The following DERA variants were observed in gnomAD, a reference collection of about 807,000 sequenced individuals.
The protein encoded by DERA is 2-deoxy-D-ribose 5-phosphate aldolase.
In DERA, 15 loss-of-function variants were observed where a neutral mutation model predicts 41.1. The ratio of observed to expected loss-of-function variants is 0.37; its 90% CI spans 0.24 to 0.56. The LOEUF is 0.56. Among genes scored for constraint, DERA ranks in the 20% least tolerant of loss-of-function variants. DERA has a pLI of 0.81. For synonymous variants in DERA, 139 were observed against 137.4 expected (o/e 1.01, Z -0.08); for missense variants, 396 against 403.4 (o/e 0.98, Z 0.16).
rs995394957 is a variant in DERA at position 15,972,936 on chromosome 12, A to G, written c.509-9372A>G. Among the ~76,000 whole-genome samples the G allele has an allele frequency of 3.2e-4, 48 of 152,142 alleles. No individual in the cohort carries two copies. Among genetic ancestry groups the G allele is most frequent in the Non-Finnish European group, 8.8e-5 (6 of 68,014 alleles). ...AGGGCCAGTTGTCAACCTGATTTGGATGCTGTTTCAAACATGCAGTCTGAC... is the reference window on the plus strand; with the variant it reads ...AGGGCCAGTTGTCAACCTGATTTGGGTGCTGTTTCAAACATGCAGTCTGAC... On this transcript the variant is annotated intron_variant, in intron 5 of 8. Transcript: ENST00000428559. This position sits in a 1 kb window ranked among gnomAD's most constrained non-coding sequence, Gnocchi z 4.4.
intron 1 of DERA, among the ~76,000 whole-genome samples, chr12:15,952,806 G>A (rs1237901219): frequency 2.0e-5 from 3 of 152,228 alleles, no homozygotes; most frequent in Non-Finnish European, 4.4e-5. Flanking sequence ...GGTGCTTACA[G>A]CACTTTACAA....
chr12:15,918,839 G>A lies in DERA; in HGVS notation c.31+7425G>A, dbSNP rs1948221022. Among the ~76,000 whole-genome samples, 2 of 152,168 alleles carry A rather than the reference G, an allele frequency of 1.3e-5. No individual in the cohort carries two copies. Among genetic ancestry groups the A allele is most frequent in the South Asian group, 2.1e-4 (1 of 4,830 alleles). ...CAGGGAGGGTTTTTTTGGAGAGGAT[G>A]TTTCTGACGGAGTAGTTTCTACAAA... On this transcript the variant is annotated intron_variant, in intron 1 of 8. Transcript: ENST00000428559. The surrounding 1 kb of genome is among the most constrained non-coding windows in gnomAD (Gnocchi z 4.3).
intron 6 of DERA, among the ~76,000 whole-genome samples, chr12:16,027,887 T>C (rs1949063513): frequency 6.6e-6 from 1 of 152,242 alleles, no homozygotes; most frequent in Admixed American, 6.5e-5. Flanking sequence ...GCACGATGCA[T>C]GGTTAATATA....
chr12:16,005,469 C>T (rs1440810222), intron 6 of DERA, among the ~76,000 whole-genome samples: 1 of 152,076 alleles, frequency 6.6e-6, no homozygotes, highest in Non-Finnish European at 1.5e-5. Context: ...TTCTGAAGAC[C>T]AGCTCGCTTC....
In DERA at chr12:16,009,661, T is replaced by C. The variant is rs1255793515; in HGVS notation, c.638-22881T>C. Among the ~76,000 whole-genome samples the C allele has an allele frequency of 6.6e-6, 1 of 152,228 alleles. No individual in the cohort carries two copies. Among genetic ancestry groups the C allele is most frequent in the African/African-American group, 2.4e-5 (1 of 41,472 alleles). ...CTGAATTTTTTTCTCACTAAGGTTT[T>C]ATATTTTTAAGTTATCCATGTATTC... On this transcript the variant is annotated intron_variant, in intron 6 of 8. Coordinates refer to ENST00000428559, the MANE Select transcript of DERA (RefSeq NM_015954.4). The surrounding 1 kb of genome is among the most constrained non-coding windows in gnomAD (Gnocchi z 5.3).
rs1004586807 is a variant in DERA at position 15,941,573 on chromosome 12, T to A, written c.32-15363T>A. Among the ~76,000 whole-genome samples the A allele has an allele frequency of 6.6e-6, 1 of 152,190 alleles. No individual in the cohort carries two copies. The highest frequency in any genetic ancestry group is 2.4e-5 in the African/African-American group (1 of 41,448). On this transcript the variant is annotated intron_variant, in intron 1 of 8. Transcript: ENST00000428559. The surrounding 1 kb of genome is among the most constrained non-coding windows in gnomAD (Gnocchi z 4.5). ...CTCAGAGTTCGCTATATCATCCTTATGCCTTTGTGTCCTCACAGCTTAGCC... is the reference window on the plus strand; with the variant it reads ...CTCAGAGTTCGCTATATCATCCTTAAGCCTTTGTGTCCTCACAGCTTAGCC...
chr12:15,944,435 A>G (rs1948431445), intron 1 of DERA, among the ~76,000 whole-genome samples: 1 of 152,072 alleles, frequency 6.6e-6, no homozygotes, highest in Admixed American at 6.6e-5. Flanking sequence ...CTGGTGTGAG[A>G]TGGTATCTCA....
In DERA at chr12:15,940,240, T is replaced by G. The variant is rs1025453393; in HGVS notation, c.32-16696T>G. ...TTTTAAAATGAGTCAATATTCAAAT[T>G]AACTGATTTTCTGTTTGAGGCATCT... On this transcript the variant is annotated intron_variant, in intron 1 of 8. Coordinates refer to ENST00000428559, the MANE Select transcript of DERA (RefSeq NM_015954.4). The surrounding 1 kb of genome is among the most constrained non-coding windows in gnomAD (Gnocchi z 5.1). 6.6e-6 allele frequency among the ~76,000 whole-genome samples: 1 copy of G among 152,224 alleles called. No individual in the cohort carries two copies. The highest frequency in any genetic ancestry group is 1.5e-5 in the Non-Finnish European group (1 of 68,040).
intron 1 of DERA, among the ~76,000 whole-genome samples, chr12:15,934,988 A>G (rs1948354900): frequency 6.6e-6 from 1 of 152,226 alleles, no homozygotes; most frequent in Non-Finnish European, 1.5e-5. Flanking sequence ...TGTTCCTCCC[A>G]GAGAGGTCAG....
rs1214450619 is a variant in DERA at position 16,001,564 on chromosome 12, G to A, written c.637+19128G>A. On this transcript the variant is annotated intron_variant, in intron 6 of 8. Transcript: ENST00000428559. The surrounding 1 kb of genome is among the most constrained non-coding windows in gnomAD (Gnocchi z 4.1). ...GTCTGTGTGACGTGTTTGATGCTCTGCAAGGTGGTCAGTTTCTGGGGTGAC... is the reference window on the plus strand; with the variant it reads ...GTCTGTGTGACGTGTTTGATGCTCTACAAGGTGGTCAGTTTCTGGGGTGAC... Among the ~76,000 whole-genome samples, 1 of 152,212 alleles carries A rather than the reference G, an allele frequency of 6.6e-6. No homozygotes were observed. Among genetic ancestry groups the A allele is most frequent in the East Asian group, 1.9e-4 (1 of 5,194 alleles).
intron 6 of DERA, among the ~76,000 whole-genome samples, chr12:16,023,854 G>T (rs963997517): frequency 5.9e-5 from 9 of 152,070 alleles, no homozygotes; most frequent in East Asian, 3.9e-4. Context: ...ATCTGACAGA[G>T]AATTTAAAAT....
rs1948244020 is a variant in DERA, at chr12:15,921,464, C to G, written c.31+10050C>G. On this transcript the variant is annotated intron_variant, in intron 1 of 8. Coordinates refer to ENST00000428559, the MANE Select transcript of DERA (RefSeq NM_015954.4). The surrounding 1 kb of genome is among the most constrained non-coding windows in gnomAD (Gnocchi z 5.3). ...GTAGAAAAAAACATATTCATGTTTC[C>G]TTGAGATTATGGATTAAGTTTGTAT... Among the ~76,000 whole-genome samples, 1 of 152,040 alleles carries G rather than the reference C, an allele frequency of 6.6e-6. No individual in the cohort carries two copies. The highest frequency in any genetic ancestry group is 6.5e-5 in the Admixed American group (1 of 15,276).
Position 16,001,895 on chromosome 12 carries a change from C to G in DERA, c.637+19459C>G, listed in dbSNP as rs1450408068. ...GAGAGGAAACAAACCCCGGTATGGA[C>G]TTTTCAGACAAAATACTGCTTTCTT... On this transcript the variant is annotated intron_variant, in intron 6 of 8. Transcript: ENST00000428559. This position sits in a 1 kb window ranked among gnomAD's most constrained non-coding sequence, Gnocchi z 4.1. Among the ~76,000 whole-genome samples the G allele has an allele frequency of 2.6e-5, 4 of 152,152 alleles. No homozygotes were observed. The highest frequency in any genetic ancestry group is 4.8e-5 in the African/African-American group (2 of 41,442).
Position 16,013,511 on chromosome 12 carries a change from C to T in DERA, c.638-19031C>T, listed in dbSNP as rs9738070. ...TGCCTCACTACCCCTTCACCTTCTG[C>T]CATGATTGTAAGTTTCCTGAGGCCT... is the stretch of plus-strand genomic sequence containing the variant. On this transcript the variant is annotated intron_variant, in intron 6 of 8. Transcript: ENST00000428559. The surrounding 1 kb of genome is among the most constrained non-coding windows in gnomAD (Gnocchi z 5.8). Among the ~76,000 whole-genome samples the T allele has an allele frequency of 0.081, 12,361 of 152,214 alleles. 1,500 individuals carry two copies. The highest frequency in any genetic ancestry group is 0.26 in the African/African-American group (10,679 of 41,496).
intron 1 of DERA, among the ~76,000 whole-genome samples, chr12:15,920,054 A>T (rs1342350862): frequency 2.6e-5 from 4 of 151,906 alleles, no homozygotes; most frequent in Non-Finnish European, 4.4e-5. Flanking sequence ...CAGAAAAGGG[A>T]TTTCATTCAA....
At chr12:15,963,056 A>G in intron 5 of DERA, 109 bp downstream of exon 5, 2 of 1,402,304 alleles carry the variant, frequency 1.4e-6, no homozygotes, top group South Asian at 1.5e-5. Context: ...GTGACAAGTT[A>G]GTAGATCAAA....
intron 4 of DERA, 108 bp from the exon 5 acceptor site, chr12:15,962,705 T>A: frequency 1.2e-6 from 1 of 866,858 alleles, no homozygotes; most frequent in East Asian, 2.7e-5. Context: ...TGGAATTCTT[T>A]GATGAACTAC....
chr12:15,951,925 G>A (rs572769307), intron 1 of DERA, among the ~76,000 whole-genome samples: 194 of 149,748 alleles, frequency 1.3e-3, no homozygotes, highest in Middle Eastern at 6.8e-3. Context: ...TTTTTGAGAC[G>A]GAGTCTTGCT....
Position 16,009,317 on chromosome 12 carries a change from C to T in DERA, c.638-23225C>T, listed in dbSNP as rs574268075. On this transcript the variant is annotated intron_variant, in intron 6 of 8. Transcript: ENST00000428559. This position sits in a 1 kb window ranked among gnomAD's most constrained non-coding sequence, Gnocchi z 5.3. ...AAATCCTAGGGTTTTATTCTTTTAG[C>T]AGGTTTTGTGATGAAAATGTCACCA... 6.6e-6 allele frequency among the ~76,000 whole-genome samples: 1 copy of T among 152,286 alleles called. No individual in the cohort carries two copies. The highest frequency in any genetic ancestry group is 2.1e-4 in the South Asian group (1 of 4,826).
Sources: allele counts gnomAD v4.1 joint callset (sites outside exome capture counted in the v4.1 genomes callset), GRCh38; gene constraint gnomAD v4.1.1; non-coding constraint Gnocchi (gnomAD v3.1); transcripts MANE v1.5; gene names NCBI Gene and HGNC (gene_info 2026-07-23, HGNC 2026-07-21).